Variants in MAP3K13 observed in about 807,000 individuals in gnomAD.
The protein encoded by MAP3K13 is mitogen-activated protein kinase kinase kinase 13.
A neutral mutation model predicts 104.0 loss-of-function variants in MAP3K13; 52 were observed. That is an observed-to-expected ratio of 0.50 (90% CI 0.40 to 0.63). The LOEUF (loss-of-function observed/expected upper bound fraction) is 0.63. MAP3K13 is among the 20% of genes least tolerant of loss of function. The probability of loss-of-function intolerance (pLI) is 0.00; values close to 1 mark genes in which losing one functional copy is unlikely to be tolerated. For missense variants in MAP3K13, 914 were observed against 1,218.5 expected (o/e 0.75, Z 3.72); for synonymous variants, 394 against 442.2 (o/e 0.89, Z 1.37).
rs916899441 is a variant in MAP3K13, at chr3:185,338,928, A to G, written c.-86+53285A>G. On this transcript the variant is annotated intron_variant, in intron 2 of 14. Transcript: ENST00000424227. ...CAATGTATAATAGAGTTAAGAGTGT[A>G]TAAGGAAGTAAAAGACATAATAACA... Among the ~76,000 whole-genome samples the G allele has an allele frequency of 2.0e-5, 3 of 152,228 alleles. No homozygotes were observed. The East Asian group carries it at 5.8e-4, about 29-fold the overall frequency.
At chr3:185,357,677 T>G (rs1560063383) in intron 2 of MAP3K13, among the ~76,000 whole-genome samples, 1 of 152,160 alleles carries the variant, frequency 6.6e-6, no homozygotes, top group Admixed American at 6.5e-5. Flanking sequence ...AAATATTTTA[T>G]TAATTGAGAA....
At chr3:185,462,730 G>A (rs1464958721) in intron 7 of MAP3K13, among the ~76,000 whole-genome samples, 1 of 152,112 alleles carries the variant, frequency 6.6e-6, no homozygotes, top group Non-Finnish European at 1.5e-5. Context: ...CCGATATCAC[G>A]CCACTGCACT....
intron 2 of MAP3K13, among the ~76,000 whole-genome samples, chr3:185,308,031 T>G (rs1721361128): frequency 6.8e-6 from 1 of 147,616 alleles, no homozygotes; most frequent in Non-Finnish European, 1.5e-5. Flanking sequence ...TTTTTTTTTT[T>G]TGAGACTTAC....
chr3:185,482,335 G>T lies in MAP3K13; in HGVS notation c.2800-20G>T. ...TGAGTGATTATCGAAATGAATTAAG[G>T]TTTTGTCTTGCCTTTGCAGAACCCC... On this transcript the variant is annotated intron_variant, in intron 13 of 13. Coordinates refer to ENST00000265026, the MANE Select transcript of MAP3K13 (RefSeq NM_004721.5). The surrounding 1 kb of genome is among the most constrained non-coding windows in gnomAD (Gnocchi z 4.5). 6.4e-7 allele frequency: 1 copy of T among 1,559,348 alleles called. No homozygotes were observed. Among genetic ancestry groups the T allele is most frequent in the Non-Finnish European group, 8.8e-7 (1 of 1,130,048 alleles).
chr3:185,322,469 T>C (rs1289511079), intron 2 of MAP3K13, among the ~76,000 whole-genome samples: 1 of 152,248 alleles, frequency 6.6e-6, no homozygotes, highest in Admixed American at 6.5e-5. Flanking sequence ...ACCATCCTGC[T>C]CCTTTTCAAA....
Position 185,450,087 on chromosome 3 carries a change from G to A in MAP3K13, c.1169+29G>A. The stretch of plus-strand genomic sequence containing the variant: ...AGAATATTGTCTCTAAAACAATAGG[G>A]AGGTCTCTAATGTGTATTTGGAGTA... On this transcript the variant is annotated intron_variant, in intron 6 of 13. Coordinates refer to ENST00000265026, the MANE Select transcript of MAP3K13 (RefSeq NM_004721.5). The surrounding 1 kb of genome is among the most constrained non-coding windows in gnomAD (Gnocchi z 4.2). 1 of 1,574,544 alleles carries A rather than the reference G, an allele frequency of 6.4e-7. No individual in the cohort carries two copies. Among genetic ancestry groups the A allele is most frequent in the Non-Finnish European group, 8.6e-7 (1 of 1,160,060 alleles).
chr3:185,318,897 C>G (rs1232636972), intron 2 of MAP3K13, among the ~76,000 whole-genome samples: 1 of 152,174 alleles, frequency 6.6e-6, no homozygotes, highest in African/African-American at 2.4e-5. Flanking sequence ...AGCAATATTA[C>G]CATTACTTCT....
chr3:185,393,608 A>G (rs6444064), intron 1 of MAP3K13, among the ~76,000 whole-genome samples: 107,878 of 151,768 alleles, frequency 0.71, 38,771 homozygotes, highest in Non-Finnish European at 0.77. Context: ...ACAGGTGCCC[A>G]CCACTGCACC....
chr3:185,392,947 G>A (rs1056733895), intron 1 of MAP3K13, among the ~76,000 whole-genome samples: 2 of 151,998 alleles, frequency 1.3e-5, no homozygotes. Context: ...AGCTACTCGG[G>A]AGGCTGAGAG....
Position 185,466,878 on chromosome 3 carries a change from G to A in MAP3K13, c.1558G>A (p.Val520Ile), listed in dbSNP as rs752378197. Residue 520 changes from valine (V) to isoleucine (I), a missense_variant, in exon 10 of 14, where the codon GTT (valine) becomes ATT (isoleucine). Transcript: ENST00000265026. Reference protein sequence around the residue: ...KYPGTYKRHPVRPIIHPNAME... With the variant: ...KYPGTYKRHPIRPIIHPNAME... ...TCCTGGGACCTACAAACGACACCCT[G>A]TTCGTCCTATCATCCATCCCAATGC... 6.2e-7 allele frequency: 1 copy of A among 1,613,954 alleles called. No individual in the cohort carries two copies. The highest frequency in any genetic ancestry group is 1.1e-5 in the South Asian group (1 of 91,078).
intron 1 of MAP3K13, among the ~76,000 whole-genome samples, chr3:185,406,512 C>G (rs1224553710): frequency 6.6e-6 from 1 of 152,156 alleles, no homozygotes; most frequent in African/African-American, 2.4e-5. Flanking sequence ...AATAATCAGA[C>G]TATTCTCTGA....
chr3:185,399,035 G>GT (rs1712598554), intron 1 of MAP3K13, among the ~76,000 whole-genome samples: 2 of 152,016 alleles, frequency 1.3e-5, no homozygotes, highest in Admixed American at 6.6e-5. Context: ...GATGCTAGTA[G>GT]TTTTTTTTAT....
intron 4 of MAP3K13, among the ~76,000 whole-genome samples, chr3:185,445,434 A>G (rs1017606445): frequency 2.6e-5 from 4 of 152,130 alleles, no homozygotes; most frequent in African/African-American, 9.7e-5. Flanking sequence ...TGTAGTGTTC[A>G]TTTCTTCCGT....
intron 2 of MAP3K13, among the ~76,000 whole-genome samples, chr3:185,340,655 C>T (rs1162171606): frequency 6.6e-6 from 1 of 152,068 alleles, no homozygotes; most frequent in African/African-American, 2.4e-5. Context: ...TCCCCATAAT[C>T]CTCACGTGTC....
chr3:185,436,403 A>T (rs1420993889), intron 2 of MAP3K13, among the ~76,000 whole-genome samples: 1 of 152,200 alleles, frequency 6.6e-6, no homozygotes, highest in African/African-American at 2.4e-5. Context: ...ATTACTTTTG[A>T]GAGGCAATGT....
At chr3:185,333,635 T>C (rs563641586) in intron 2 of MAP3K13, among the ~76,000 whole-genome samples, 1 of 152,206 alleles carries the variant, frequency 6.6e-6, no homozygotes, top group Non-Finnish European at 1.5e-5. Flanking sequence ...GGCTCAAGCC[T>C]GTAATCCCAA....
At chr3:185,445,448 C>T (rs897914258) in intron 4 of MAP3K13, among the ~76,000 whole-genome samples, 1 of 152,212 alleles carries the variant, frequency 6.6e-6, no homozygotes, top group African/African-American at 2.4e-5. Context: ...CTTCCGTTCA[C>T]ATTCTTACCC....
intron 1 of MAP3K13, among the ~76,000 whole-genome samples, chr3:185,409,022 A>T (rs114210183): frequency 1.2e-3 from 185 of 152,340 alleles, no homozygotes; most frequent in African/African-American, 4.3e-3. Flanking sequence ...TTGGACATAG[A>T]TCAAACAAGG....
intron 1 of MAP3K13, among the ~76,000 whole-genome samples, chr3:185,403,602 G>A (rs996993636): frequency 6.6e-6 from 1 of 152,104 alleles, no homozygotes; most frequent in African/African-American, 2.4e-5. Flanking sequence ...ACATCACACT[G>A]TACAATTTTT....
Sources: allele counts gnomAD v4.1 joint callset (sites outside exome capture counted in the v4.1 genomes callset), GRCh38; gene constraint gnomAD v4.1.1; non-coding constraint Gnocchi (gnomAD v3.1); transcripts MANE v1.5; gene names NCBI Gene and HGNC (gene_info 2026-07-23, HGNC 2026-07-21).